HS3ST3A1: variants seen among roughly 807,000 people sequenced by gnomAD.
HS3ST3A1 encodes heparan sulfate glucosamine 3-O-sulfotransferase 3A1.
A neutral mutation model predicts 25.7 loss-of-function variants in HS3ST3A1; 19 were observed. That is an observed-to-expected ratio of 0.74 (90% confidence interval 0.52 to 1.08). HS3ST3A1 has a LOEUF of 1.08. Ranked by LOEUF, HS3ST3A1 falls within the 50% of genes least tolerant of loss-of-function variation. The probability of loss-of-function intolerance (pLI) is 0.00; values close to 1 mark genes in which losing one functional copy is unlikely to be tolerated. For synonymous variants in HS3ST3A1, 226 were observed against 278.6 expected (o/e 0.81, Z 1.88); for missense variants, 459 against 594.3 (o/e 0.77, Z 2.37).
intron 1 of HS3ST3A1, among the ~76,000 whole-genome samples, chr17:13,532,925 AC>A (rs1307479296): frequency 5.3e-5 from 8 of 151,382 alleles, no homozygotes; most frequent in African/African-American, 1.9e-4. Flanking sequence ...ACACACACAC[AC>A]ATGCTTTGAC....
intron 1 of HS3ST3A1, among the ~76,000 whole-genome samples, chr17:13,534,546 CCAAAAAAAAAAAA>C (rs1474836297): frequency 4.1e-5 from 1 of 24,334 alleles, no homozygotes; most frequent in African/African-American, 1.9e-4. Flanking sequence ...TCTACAAAAT[CCAAAAAAAAAAAA>C]AAAAAAAAAA....
intron 1 of HS3ST3A1, among the ~76,000 whole-genome samples, chr17:13,584,481 CG>C (rs1297764317): frequency 3.4e-5 from 2 of 59,326 alleles, no homozygotes; most frequent in East Asian, 6.3e-4. Flanking sequence ...AAGGGAGAGA[CG>C]GAGGGAGGGA....
chr17:13,550,828 G>T (rs367710376), intron 1 of HS3ST3A1, among the ~76,000 whole-genome samples: 4 of 152,100 alleles, frequency 2.6e-5, no homozygotes, highest in Admixed American at 1.3e-4. Flanking sequence ...CAGCACTTTG[G>T]GAGGCCAAGG....
intron 1 of HS3ST3A1, among the ~76,000 whole-genome samples, chr17:13,521,204 T>C (rs1906224057): frequency 6.6e-6 from 1 of 152,230 alleles, no homozygotes; most frequent in South Asian, 2.1e-4. Flanking sequence ...TGTTCTGCTT[T>C]CAGATCCTTT....
rs187994412 is a variant in HS3ST3A1, at chr17:13,533,314, G to T, written c.600-36496C>A. Among the ~76,000 whole-genome samples the T allele has an allele frequency of 1.1e-3, 169 of 152,022 alleles. 4 individuals carry two copies. The highest frequency in any genetic ancestry group is 0.011 in the Admixed American group (168 of 15,246). ...ACATATCTGCTACAATCCACACACT[G>T]CTTAAGGTGACTTTGTAGGTTATCT... On this transcript the variant is annotated intron_variant, in intron 1 of 1. Transcript: ENST00000284110.
chr17:13,507,760 T>C (rs577754514), intron 1 of HS3ST3A1, among the ~76,000 whole-genome samples: 3 of 152,262 alleles, frequency 2.0e-5, no homozygotes, highest in Middle Eastern at 3.4e-3. Context: ...GTGTCTGTTT[T>C]TGGAAGCCTC....
chr17:13,568,429 T>C (rs1210242054), intron 1 of HS3ST3A1, among the ~76,000 whole-genome samples: 2 of 152,230 alleles, frequency 1.3e-5, no homozygotes, highest in South Asian at 2.1e-4. Context: ...GCCTGGACTA[T>C]GTTTTTCTGC....
At chr17:13,562,417 G>A (rs946907158) in intron 1 of HS3ST3A1, among the ~76,000 whole-genome samples, 3 of 152,122 alleles carry the variant, frequency 2.0e-5, no homozygotes, top group African/African-American at 7.2e-5. Flanking sequence ...ACACACGAGG[G>A]ACAGCGGGTG....
chr17:13,502,903 A>C (rs1211394643), intron 1 of HS3ST3A1, among the ~76,000 whole-genome samples: 1 of 150,446 alleles, frequency 6.6e-6, no homozygotes, highest in Non-Finnish European at 1.5e-5. Flanking sequence ...AAATAGGGCC[A>C]GGGGTGGTGG....
At chr17:13,522,838 A>C (rs934519416) in intron 1 of HS3ST3A1, among the ~76,000 whole-genome samples, 11 of 72,100 alleles carry the variant, frequency 1.5e-4, no homozygotes, top group African/African-American at 5.8e-4. Context: ...CACACACACC[A>C]CACACACACA....
chr17:13,522,435 C>T lies in HS3ST3A1; in HGVS notation c.600-25617G>A, dbSNP rs536124510. 3.9e-5 allele frequency among the ~76,000 whole-genome samples: 6 copies of T among 152,186 alleles called. No individual in the cohort carries two copies. The South Asian group carries it at 6.2e-4, about 16-fold the overall frequency. Reference sequence around the variant, plus strand: ...CAACTAATGGGCACTTTGTTTTCTACCTTATTAACACAAGTTTAGTGATTT... The same window carrying T: ...CAACTAATGGGCACTTTGTTTTCTATCTTATTAACACAAGTTTAGTGATTT... On this transcript the variant is annotated intron_variant, in intron 1 of 1. Transcript: ENST00000284110.
intron 1 of HS3ST3A1, among the ~76,000 whole-genome samples, chr17:13,599,040 C>CT (rs59157255): frequency 0.12 from 18,594 of 152,088 alleles, 1,239 homozygotes; most frequent in African/African-American, 0.18. Context: ...TTAATCACTT[C>CT]TTTCTCGTGT....
intron 1 of HS3ST3A1, among the ~76,000 whole-genome samples, chr17:13,593,740 A>G (rs1490427750): frequency 6.6e-6 from 1 of 150,540 alleles, no homozygotes; most frequent in Non-Finnish European, 1.5e-5. Context: ...AGATATTACA[A>G]TTGTGAAAAA....
chr17:13,590,970 C>G (rs191383617), intron 1 of HS3ST3A1, among the ~76,000 whole-genome samples: 1 of 151,940 alleles, frequency 6.6e-6, no homozygotes, highest in African/African-American at 2.4e-5. Context: ...AGCCACGGCA[C>G]GCAGGCCTCA....
At chr17:13,500,028 T>C (rs1332973911) in intron 1 of HS3ST3A1, among the ~76,000 whole-genome samples, 1 of 152,166 alleles carries the variant, frequency 6.6e-6, no homozygotes, top group Non-Finnish European at 1.5e-5. Flanking sequence ...AATCTTAAAT[T>C]ATTTTTTTCA....
chr17:13,526,886 C>G (rs1337000746), intron 1 of HS3ST3A1, among the ~76,000 whole-genome samples: 2 of 152,000 alleles, frequency 1.3e-5, no homozygotes, highest in Non-Finnish European at 2.9e-5. Flanking sequence ...CTCCCGACCT[C>G]AGGTGATCTA....
At chr17:13,524,962 T>C (rs1473290108) in intron 1 of HS3ST3A1, among the ~76,000 whole-genome samples, 1 of 152,218 alleles carries the variant, frequency 6.6e-6, no homozygotes, top group Non-Finnish European at 1.5e-5. Flanking sequence ...TTATTAAAAA[T>C]AGATATTTTT....
intron 1 of HS3ST3A1, among the ~76,000 whole-genome samples, chr17:13,598,280 C>CT (rs1374988363): frequency 6.6e-6 from 1 of 151,782 alleles, no homozygotes; most frequent in African/African-American, 2.4e-5. Flanking sequence ...TTTTCATAGA[C>CT]GAGCCTTCAG....
intron 1 of HS3ST3A1, among the ~76,000 whole-genome samples, chr17:13,555,208 A>T (rs116551670): frequency 0.044 from 6,640 of 152,142 alleles, 184 homozygotes; most frequent in African/African-American, 0.068. Context: ...TTCTGCCTGG[A>T]GTTCATCCTC....
Sources: gnomAD v4.1 joint callset for allele counts (sites outside exome capture counted in the v4.1 genomes callset) on GRCh38, gnomAD v4.1.1 for gene constraint, MANE v1.5 for transcripts, NCBI Gene and HGNC (gene_info 2026-07-23, HGNC 2026-07-21) for gene names.